MUC5B: variants seen among roughly 807,000 people sequenced by gnomAD.
The protein encoded by MUC5B is mucin 5B, oligomeric mucus/gel-forming, also known as mucin-5B.
In MUC5B, 116 loss-of-function variants were observed where a neutral mutation model predicts 376.9. The ratio of observed to expected loss-of-function variants is 0.31; its 90% CI spans 0.26 to 0.36. The LOEUF (loss-of-function observed/expected upper bound fraction) is 0.36, where lower values mean the gene tolerates loss of function less well. MUC5B is among the 10% of genes least tolerant of loss of function. The pLI is 1.00. For synonymous variants in MUC5B, 3,517 were observed against 3,390.9 expected, an observed-to-expected ratio of 1.04 and a Z score of -1.29; for missense variants, 7,165 against 7,769.9, an observed-to-expected ratio of 0.92 and a Z score of 2.93.
chr11:1,259,059 C>G lies in MUC5B; in HGVS notation c.16711C>G (p.Gln5571Glu). The change falls in exon 44 of 49, where the codon CAG (glutamine) becomes GAG (glutamate). Residue 5571 changes from glutamine (Q) to glutamate (E), a missense_variant and splice_region_variant. Transcript: ENST00000529681. The stretch of plus-strand genomic sequence containing the variant: ...TGCCTGCAACAATACTACCTGTCCC[C>G]AGGTGAGACCCGAGGCACCTGCCCC... The part of the protein sequence containing the change: ...EDACNNTTCP[Q>E]GFEYKRVAGQ... 1 of 1,548,614 alleles carries G rather than the reference C, an allele frequency of 6.5e-7. No individual in the cohort carries two copies. Among genetic ancestry groups the G allele is most frequent in the Non-Finnish European group, 8.7e-7 (1 of 1,146,488 alleles).
Position 1,241,895 on chromosome 11 carries a change from G to A in MUC5B, c.5015G>A (p.Gly1672Glu). The A allele has an allele frequency of 6.2e-7, 1 of 1,611,666 alleles. No individual in the cohort carries two copies. Among genetic ancestry groups the A allele is most frequent in the Non-Finnish European group, 8.5e-7 (1 of 1,179,116 alleles). Residue 1672 changes from glycine to glutamate, a missense_variant, in exon 31 of 49, where the codon GGA (glycine) becomes GAA (glutamate). By Grantham distance (98) the Gly-to-Glu change is moderately conservative. Transcript: ENST00000529681. ...AGCACCCTTGGTACAGCCACCACGG[G>A]AGGCCCCACGACGCCTGCAGGCTCC... is the stretch of plus-strand genomic sequence containing the variant. ...YTSTLGTATT[G>E]GPTTPAGSTE... is the part of the protein sequence containing the mutation.
Position 1,236,367 on chromosome 11 carries a change from G to A in MUC5B, c.2881-19G>A. ...GGGGCCACAGGGTCGGCTTCCGGCA[G>A]CGTCTGCCTCCCCTGCAGAGCTACG... is the stretch of plus-strand genomic sequence containing the variant. On this transcript the variant is annotated intron_variant, in intron 23 of 48. Coordinates refer to ENST00000529681, the MANE Select transcript of MUC5B (RefSeq NM_002458.3). 1.9e-6 allele frequency: 3 copies of A among 1,592,272 alleles called. No homozygotes were observed. Among genetic ancestry groups the A allele is most frequent in the Non-Finnish European group, 2.6e-6 (3 of 1,165,456 alleles).
intron 27 of MUC5B, 89 bp from the exon 28 acceptor site, chr11:1,239,710 G>T (rs992189367): frequency 6.7e-7 from 1 of 1,494,232 alleles, no homozygotes; most frequent in South Asian, 1.3e-5. Context: ...GCTGGCTGGT[G>T]GGGGGCGGCT....
intron 26 of MUC5B, 138 bp from the exon 27 acceptor site, chr11:1,239,300 C>A: frequency 1.7e-6 from 2 of 1,186,820 alleles, no homozygotes; most frequent in Non-Finnish European, 2.3e-6. Flanking sequence ...CACCACCCGG[C>A]CGAGGCCCTG....
chr11:1,236,368 C>T lies in MUC5B; in HGVS notation c.2881-18C>T, dbSNP rs1564935749. The T allele has an allele frequency of 3.8e-6, 6 of 1,592,110 alleles. No individual in the cohort carries two copies. The highest frequency in any genetic ancestry group is 1.7e-4 in the Middle Eastern group (1 of 5,984). The stretch of plus-strand genomic sequence containing the variant: ...GGGCCACAGGGTCGGCTTCCGGCAG[C>T]GTCTGCCTCCCCTGCAGAGCTACGA... On this transcript the variant is annotated intron_variant, in intron 23 of 48. Transcript: ENST00000529681.
Position 1,239,017 on chromosome 11 carries a change from G to A in MUC5B, c.3444G>A (p.Pro1148=), listed in dbSNP as rs113413987. ...GCCTGTGTGTGTCCTGGCGGACTCC[G>A]GACACCTGCCGTGAGTCGGGCTCTG... is the stretch of plus-strand genomic sequence containing the variant. ...DAGLCVSWRT[P]DTCPLFCDFY... The change falls in exon 26 of 49, where the codon CCG becomes CCA. Residue 1148 remains proline, a synonymous_variant. Transcript: ENST00000529681. 60 of 1,571,228 alleles carry A rather than the reference G, an allele frequency of 3.8e-5. 1 individual carries two copies. In the African/African-American group the frequency reaches 4.0e-4, roughly 11 times the overall value.
chr11:1,254,266 G>A lies in MUC5B; in HGVS notation c.15392G>A (p.Arg5131His), dbSNP rs377004322. The change falls in exon 34 of 49, where the codon CGC (arginine) becomes CAC (histidine). Residue 5131 changes from arginine to histidine, a missense_variant. Arg to His is a conservative substitution (Grantham distance 29). Coordinates refer to ENST00000529681, the MANE Select transcript of MUC5B (RefSeq NM_002458.3). ...CTASATAAAARCPRALSIHYK... is the reference protein window; with the variant it reads ...CTASATAAAAHCPRALSIHYK... Reference sequence around the variant, plus strand: ...GCCTCTGCCACTGCCGCTGCCGCCCGCTGCCCCCGCGCCCTCAGCATCCAC... The same window carrying A: ...GCCTCTGCCACTGCCGCTGCCGCCCACTGCCCCCGCGCCCTCAGCATCCAC... 2.3e-5 allele frequency: 37 copies of A among 1,611,702 alleles called. No homozygotes were observed. Among genetic ancestry groups the A allele is most frequent in the Non-Finnish European group, 2.9e-5 (34 of 1,179,852 alleles).
chr11:1,247,542 G>A lies in MUC5B; in HGVS notation c.10662G>A (p.Leu3554=). The A allele has an allele frequency of 6.2e-7, 1 of 1,610,838 alleles. No individual in the cohort carries two copies. Among genetic ancestry groups the A allele is most frequent in the South Asian group, 1.1e-5 (1 of 90,938 alleles). ...GCAAGACCCGCACCTCGACCCTGCT[G>A]CCCAGCAGCCCCACATCGGCCCCCA... ...TPSKTRTSTL[L]PSSPTSAPIT... The change falls in exon 31 of 49, where the codon CTG becomes CTA. Residue 3554 remains leucine, a synonymous_variant. Coordinates refer to ENST00000529681, the MANE Select transcript of MUC5B (RefSeq NM_002458.3).
chr11:1,249,772 T>C lies in MUC5B; in HGVS notation c.12892T>C (p.Ser4298Pro). The C allele has an allele frequency of 1.9e-6, 3 of 1,607,290 alleles. No homozygotes were observed. Among genetic ancestry groups the C allele is most frequent in the East Asian group, 4.5e-5 (2 of 44,584 alleles). Residue 4298 changes from serine to proline, a missense_variant, in exon 31 of 49, where the codon TCC (serine) becomes CCC (proline). Physicochemically the swap from Ser to Pro is moderately conservative, Grantham distance 74. This residue lies in a region of MUC5B where 431 missense variants were observed against 390.4 expected (regional missense o/e 1.10). Coordinates refer to ENST00000529681, the MANE Select transcript of MUC5B (RefSeq NM_002458.3). Reference sequence around the variant, plus strand: ...CACAGCCACCAGTTCCAAAGCCACTTCCTCCTCCAGTCCAAGGACTGCAAC... The same window carrying C: ...CACAGCCACCAGTTCCAAAGCCACTCCCTCCTCCAGTCCAAGGACTGCAAC... ...TPTATSSKAT[S>P]SSSPRTATTL...
rs1449605480 is a variant in MUC5B, at chr11:1,247,502, C to A, written c.10622C>A (p.Ala3541Asp). 6.2e-7 allele frequency: 1 copy of A among 1,608,540 alleles called. No homozygotes were observed. ...ACCAGGGGCACCTCCAGGACCACAG[C>A]CACAGCCACACCCAGCAAGACCCGC... ...GHTRGTSRTT[A>D]TATPSKTRTS... Residue 3541 changes from alanine (A) to aspartate (D), a missense_variant, in exon 31 of 49, where the codon GCC becomes GAC. Ala to Asp is a moderately radical substitution (Grantham distance 126, BLOSUM62 -2). This residue lies in a region of MUC5B where 939 missense variants were observed against 770.6 expected (regional missense o/e 1.22). Transcript: ENST00000529681.
intron 2 of MUC5B, among the ~76,000 whole-genome samples, 166 bp downstream of exon 2, chr11:1,225,903 T>A (rs1861869409): frequency 6.6e-6 from 1 of 152,142 alleles, no homozygotes; most frequent in Non-Finnish European, 1.5e-5. Context: ...AGCTTGGTGC[T>A]CCAAAGAAGA....
Position 1,233,858 on chromosome 11 carries a change from AC to A in MUC5B, c.2377+14del. The A allele has an allele frequency of 6.4e-7, 1 of 1,565,818 alleles. No homozygotes were observed. Among genetic ancestry groups the A allele is most frequent in the South Asian group, 1.1e-5 (1 of 87,190 alleles). On this transcript the variant is annotated intron_variant, in intron 19 of 48. Transcript: ENST00000529681. Reference sequence around the variant, plus strand: ...CTGCAGAAAAGCACAGGTAAGTGCCACCCCTGCCCTGCCCTGCCCTGCCCCG... The same window carrying A: ...CTGCAGAAAAGCACAGGTAAGTGCCACCCTGCCCTGCCCTGCCCTGCCCCG...
At position 1,250,944 on chromosome 11, in the gene MUC5B, G is replaced by A. The variant is rs757982288; in HGVS notation, c.14064G>A (p.Thr4688=). The A allele has an allele frequency of 3.7e-5, 59 of 1,607,246 alleles. No individual in the cohort carries two copies. The highest frequency in any genetic ancestry group is 1.4e-4 in the Admixed American group (8 of 59,034). The change falls in exon 31 of 49, where the codon ACG becomes ACA. Residue 4688 remains threonine (T), a synonymous_variant. Transcript: ENST00000529681. ...PSLTTTATTI[T]ATGSTTNPSS... ...TGACCACCACGGCCACTACGATCAC[G>A]GCCACCGGCTCCACCACCAACCCCT...
chr11:1,251,757 G>A lies in MUC5B; in HGVS notation c.14863+14G>A. ...TTTTCTCGCCCGGTGAGTGCATGTGGATAACACTGCTGTACCCTTTCCCCA... is the reference window on the plus strand; with the variant it reads ...TTTTCTCGCCCGGTGAGTGCATGTGAATAACACTGCTGTACCCTTTCCCCA... On this transcript the variant is annotated intron_variant, in intron 31 of 48. Transcript: ENST00000529681. The A allele has an allele frequency of 6.5e-7, 1 of 1,532,570 alleles. No individual in the cohort carries two copies. Among genetic ancestry groups the A allele is most frequent in the East Asian group, 2.3e-5 (1 of 44,324 alleles). The allele number at this position is 1,532,570 out of a possible 1,614,324, so 94.9% of individuals were successfully genotyped here. A position where few individuals can be genotyped will look rare whatever the true frequency, so the allele number is the denominator to read the frequency against.
chr11:1,229,304 T>C lies in MUC5B; in HGVS notation c.1102+9T>C. The C allele has an allele frequency of 6.4e-7, 1 of 1,561,850 alleles. No homozygotes were observed. The stretch of plus-strand genomic sequence containing the variant: ...CTGCTTCTGCCCCCCAGGCAGGTCT[T>C]GTGTGCCCTGAACCCCTCAGGGGGC... On this transcript the variant is annotated intron_variant, in intron 9 of 48. Coordinates refer to ENST00000529681, the MANE Select transcript of MUC5B (RefSeq NM_002458.3).
rs774560752 is a variant in MUC5B at position 1,232,506 on chromosome 11, C to G, written c.1900C>G (p.Arg634Gly). 5.0e-6 allele frequency: 8 copies of G among 1,610,806 alleles called. No homozygotes were observed. Among genetic ancestry groups the G allele is most frequent in the Non-Finnish European group, 6.8e-6 (8 of 1,179,182 alleles). The change falls in exon 16 of 49, where the codon CGC (arginine) becomes GGC (glycine). Residue 634 changes from arginine (R) to glycine (G), a missense_variant. Coordinates refer to ENST00000529681, the MANE Select transcript of MUC5B (RefSeq NM_002458.3). ...GACCGATCCCAACAGTGCCTTCTCGCGCTGCCACTCCATCATCAACCCCAA... is the reference window on the plus strand; with the variant it reads ...GACCGATCCCAACAGTGCCTTCTCGGGCTGCCACTCCATCATCAACCCCAA... The part of the protein sequence containing the change: ...RLTDPNSAFS[R>G]CHSIINPKPF...
Position 1,252,992 on chromosome 11 carries a change from G to C in MUC5B, c.15217+12G>C, listed in dbSNP as rs368295183. 1.9e-6 allele frequency: 3 copies of C among 1,612,304 alleles called. No homozygotes were observed. The highest frequency in any genetic ancestry group is 1.3e-5 in the African/African-American group (1 of 74,894). Reference sequence around the variant, plus strand: ...CTATGAGTGCGAGTGTGAGTGCGTCGGTGGCCGCGGGATTACCCCGGGGGC... The same window carrying C: ...CTATGAGTGCGAGTGTGAGTGCGTCCGTGGCCGCGGGATTACCCCGGGGGC... On this transcript the variant is annotated intron_variant, in intron 33 of 48. Transcript: ENST00000529681.
rs1299182429 is a variant in MUC5B at position 1,243,048 on chromosome 11, C to T, written c.6168C>T (p.Thr2056=). The part of the protein sequence containing the change: ...AHTTKVPTTT[T]TGFTATPSSS... Reference sequence around the variant, plus strand: ...CTACCAAAGTGCCAACTACCACAACCACGGGCTTCACAGCCACCCCCTCCT... The same window carrying T: ...CTACCAAAGTGCCAACTACCACAACTACGGGCTTCACAGCCACCCCCTCCT... Residue 2056 remains threonine (T), a synonymous_variant, in exon 31 of 49, where the codon ACC becomes ACT. Transcript: ENST00000529681. 7.4e-6 allele frequency: 12 copies of T among 1,611,296 alleles called. No individual in the cohort carries two copies. The highest frequency in any genetic ancestry group is 1.0e-5 in the Non-Finnish European group (12 of 1,178,226).
chr11:1,242,490 C>G lies in MUC5B; in HGVS notation c.5610C>G (p.Phe1870Leu). Residue 1870 changes from phenylalanine to leucine, a missense_variant, in exon 31 of 49, where the codon TTC becomes TTG. Coordinates refer to ENST00000529681, the MANE Select transcript of MUC5B (RefSeq NM_002458.3). ...EDQTGRFNMC[F>L]NYNVRVLCCD... ...AGACAGGCAGGTTCAACATGTGCTT[C>G]AACTACAACGTGCGTGTGCTTTGCT... The G allele has an allele frequency of 4.3e-6, 7 of 1,613,784 alleles. No individual in the cohort carries two copies. The highest frequency in any genetic ancestry group is 5.9e-6 in the Non-Finnish European group (7 of 1,179,816).
Sources: gnomAD v4.1 joint callset for allele counts (sites outside exome capture counted in the v4.1 genomes callset) on GRCh38, gnomAD v4.1.1 for gene constraint, gnomAD v4.1.1 regional missense constraint, MANE v1.5 for transcripts, NCBI Gene and HGNC (gene_info 2026-07-23, HGNC 2026-07-21) for gene names.